Variants in DAB1 observed in about 807,000 individuals in gnomAD.
DAB1 encodes DAB adaptor protein 1.
In DAB1, 15 loss-of-function variants were observed where a neutral mutation model predicts 64.6. That is an observed-to-expected ratio of 0.23 (90% CI 0.16 to 0.36). The LOEUF is 0.36. Ranked by LOEUF, DAB1 falls within the 10% of genes least tolerant of loss-of-function variation. The pLI is 1.00. For synonymous variants in DAB1, 235 were observed against 251.9 expected (o/e 0.93, Z 0.64); for missense variants, 596 against 706.7 (o/e 0.84, Z 1.78).
At chr1:57,706,245 TTCTC>T (rs962140807) in intron 6 of DAB1, among the ~76,000 whole-genome samples, 5 of 152,012 alleles carry the variant, frequency 3.3e-5, no homozygotes, top group African/African-American at 9.7e-5. Context: ...TCTTCCCTCC[TTCTC>T]TCTTTCTCTA....
chr1:58,504,960 CT>C (rs879552920), intron 3 of DAB1, among the ~76,000 whole-genome samples: 184 of 145,838 alleles, frequency 1.3e-3, no homozygotes, highest in East Asian at 1.2e-3. Context: ...AAAGATACTT[CT>C]TTTTTTTTTT....
At chr1:57,225,604 A>G (rs1019158626) in intron 2 of DAB1, among the ~76,000 whole-genome samples, 4 of 152,200 alleles carry the variant, frequency 2.6e-5, no homozygotes, top group Non-Finnish European at 4.4e-5. Context: ...GTACGGTAAG[A>G]GATGACAACA....
intron 2 of DAB1, among the ~76,000 whole-genome samples, chr1:57,184,838 G>C (rs1269165158): frequency 1.3e-5 from 2 of 152,074 alleles, no homozygotes; most frequent in African/African-American, 4.8e-5. Context: ...ACACTGCCTA[G>C]TCAAGGATGG....
intron 5 of DAB1, among the ~76,000 whole-genome samples, chr1:57,961,258 A>G (rs1353564803): frequency 6.6e-6 from 1 of 152,200 alleles, no homozygotes; most frequent in Admixed American, 6.5e-5. Context: ...GGTAATATGT[A>G]TGTGTCTACA....
chr1:57,163,405 T>C (rs966413028), intron 2 of DAB1, among the ~76,000 whole-genome samples: 1 of 151,988 alleles, frequency 6.6e-6, no homozygotes, highest in Non-Finnish European at 1.5e-5. Flanking sequence ...TTGGCCTGTT[T>C]ATAAAACAGA....
At chr1:57,870,562 G>A (rs1021420661) in intron 1 of DAB1, among the ~76,000 whole-genome samples, 1 of 152,120 alleles carries the variant, frequency 6.6e-6, no homozygotes, top group African/African-American at 2.4e-5. Context: ...ATGGGCAGGA[G>A]TAATCAACTC....
chr1:57,854,980 T>TTTTTC (rs1005260114), intron 1 of DAB1, among the ~76,000 whole-genome samples: 2 of 152,190 alleles, frequency 1.3e-5, no homozygotes, highest in Non-Finnish European at 2.9e-5. Context: ...TTTTCCGTAG[T>TTTTTC]TTTTCTTTTC....
intron 4 of DAB1, among the ~76,000 whole-genome samples, chr1:58,295,816 C>G (rs374982852): frequency 6.6e-6 from 1 of 151,886 alleles, no homozygotes; most frequent in Non-Finnish European, 1.5e-5. Flanking sequence ...GTTGGCTGGG[C>G]GCAGTGGCTC....
intron 4 of DAB1, among the ~76,000 whole-genome samples, chr1:57,136,004 A>T (rs1390744675): frequency 1.3e-5 from 2 of 152,170 alleles, no homozygotes; most frequent in Non-Finnish European, 2.9e-5. Context: ...TGTAAGGTTG[A>T]TGAAAACACA....
chr1:57,141,471 G>T (rs1226963163), intron 3 of DAB1, among the ~76,000 whole-genome samples: 1 of 152,144 alleles, frequency 6.6e-6, no homozygotes, highest in Non-Finnish European at 1.5e-5. Flanking sequence ...CTCTCCCTGT[G>T]TTTCAGTAAA....
intron 1 of DAB1, among the ~76,000 whole-genome samples, chr1:58,531,693 T>G (rs966499981): frequency 7.8e-5 from 11 of 140,490 alleles, no homozygotes; most frequent in Non-Finnish European, 1.4e-4. Context: ...AATGTGTGTT[T>G]TGAAAAACAA....
intron 3 of DAB1, among the ~76,000 whole-genome samples, chr1:57,144,270 C>T (rs2100820090): frequency 6.6e-6 from 1 of 151,848 alleles, no homozygotes; most frequent in Admixed American, 6.6e-5. Flanking sequence ...TCTTGCTAAA[C>T]CATTTATTTT....
intron 3 of DAB1, among the ~76,000 whole-genome samples, chr1:58,383,401 C>T (rs1389292827): frequency 1.3e-5 from 2 of 152,166 alleles, no homozygotes; most frequent in Non-Finnish European, 2.9e-5. Flanking sequence ...AAACAGTAAA[C>T]ACAAAGTTGA....
At chr1:57,178,441 A>T (rs1662567260) in intron 2 of DAB1, among the ~76,000 whole-genome samples, 1 of 152,214 alleles carries the variant, frequency 6.6e-6, no homozygotes, top group Non-Finnish European at 1.5e-5. Flanking sequence ...AACAGTGTGG[A>T]TAATTCATAG....
intron 3 of DAB1, among the ~76,000 whole-genome samples, chr1:58,414,500 T>C (rs1644699327): frequency 6.6e-6 from 1 of 152,244 alleles, no homozygotes; most frequent in African/African-American, 2.4e-5. Context: ...TATTTCTCCA[T>C]TCCCAATGCC....
At chr1:58,327,634 CAG>C (rs773834992) in intron 4 of DAB1, among the ~76,000 whole-genome samples, 9 of 152,182 alleles carry the variant, frequency 5.9e-5, no homozygotes, top group Admixed American at 2.0e-4. Context: ...ACAGGGTAAG[CAG>C]AGAGGCTTCT....
At chr1:57,233,738 G>A (rs1667880184) in intron 2 of DAB1, among the ~76,000 whole-genome samples, 1 of 151,552 alleles carries the variant, frequency 6.6e-6, no homozygotes, top group Non-Finnish European at 1.5e-5. Flanking sequence ...CAGCCTGGGC[G>A]ACAGAGCGAG....
Position 57,495,667 on chromosome 1 carries a change from A to C in DAB1, n.625+153925T>G, listed in dbSNP as rs143289310. Reference sequence around the variant, plus strand: ...AAAACATGGAATAAATATGTATGCCAGTGTTTATGAAATATGGTATAGGGT... The same window carrying C: ...AAAACATGGAATAAATATGTATGCCCGTGTTTATGAAATATGGTATAGGGT... On this transcript the variant is annotated intron_variant and non_coding_transcript_variant, in intron 7 of 20. Coordinates refer to the DAB1 transcript ENST00000485760. Among the ~76,000 whole-genome samples the C allele has an allele frequency of 4.6e-3, 700 of 152,310 alleles. 10 individuals are homozygous for C. The highest frequency in any genetic ancestry group is 0.016 in the African/African-American group (663 of 41,568).
chr1:57,342,771 G>A (rs1677706990), intron 1 of DAB1, among the ~76,000 whole-genome samples: 1 of 150,218 alleles, frequency 6.7e-6, no homozygotes, highest in South Asian at 2.1e-4. Context: ...TGAAGCTGCG[G>A]ACCTTCGCGG....
Sources: gnomAD v4.1 joint callset for allele counts (sites outside exome capture counted in the v4.1 genomes callset) on GRCh38, gnomAD v4.1.1 for gene constraint, MANE v1.5 for transcripts, NCBI Gene and HGNC (gene_info 2026-07-23, HGNC 2026-07-21) for gene names.